KLRD1: variants seen among roughly 807,000 people sequenced by gnomAD.
The protein encoded by KLRD1 is natural killer cells antigen CD94.
In KLRD1, 21 loss-of-function variants were observed where a neutral mutation model predicts 22.6. The observed-to-expected ratio is 0.93, with a 90% CI of 0.66 to 1.34. The LOEUF is 1.34. KLRD1 is among the 40% of genes most tolerant of loss of function. The probability of loss-of-function intolerance (pLI) is 0.00; values close to 1 mark genes in which losing one functional copy is unlikely to be tolerated. For missense variants in KLRD1, 183 were observed against 208.6 expected (o/e 0.88, Z 0.76); for synonymous variants, 59 against 71.1 (o/e 0.83, Z 0.85).
At chr12:10,298,120 A>G (rs1949837642) in intron 1 of KLRD1, among the ~76,000 whole-genome samples, 1 of 152,232 alleles carries the variant, frequency 6.6e-6, no homozygotes, top group Admixed American at 6.5e-5. Flanking sequence ...TGCTAATGAT[A>G]TAATTGAGGA....
At chr12:10,290,216 A>T (rs1949754733) in intron 1 of KLRD1, among the ~76,000 whole-genome samples, 1 of 152,238 alleles carries the variant, frequency 6.6e-6, no homozygotes, top group African/African-American at 2.4e-5. Flanking sequence ...GTTGAATAAG[A>T]ACTGAAAGTC....
chr12:10,255,970 A>G (rs913785460), intron 1 of KLRD1, among the ~76,000 whole-genome samples: 3 of 152,098 alleles, frequency 2.0e-5, no homozygotes, highest in African/African-American at 7.2e-5. Flanking sequence ...CTCTTCAGTT[A>G]TGTCAAAGTT....
At chr12:10,309,586 C>T (rs1244337899) in intron 2 of KLRD1, 40 bp from the exon 3 acceptor site, 1 of 1,453,866 alleles carries the variant, frequency 6.9e-7, no homozygotes, top group Non-Finnish European at 9.7e-7. Flanking sequence ...ATTTCATAAA[C>T]CCATACCTAA....
At position 10,320,426 on chromosome 12, in the gene KLRD1, A is replaced by G. The variant is rs1384688060; in HGVS notation, c.*5633A>G. 1 of 152,198 alleles carries G rather than the reference A, an allele frequency of 6.6e-6. No homozygotes were observed. Among genetic ancestry groups the G allele is most frequent in the African/African-American group, 2.4e-5 (1 of 41,464 alleles). The allele number at this position is 152,198 out of a possible 1,614,324, so 9.4% of individuals were successfully genotyped here. ...AAAATCTTTCTATTTAGTACCAGAA[A>G]GTTTAGCAACACTTTTGTCTGTAGC... On this transcript the variant is annotated 3_prime_UTR_variant, in exon 6 of 6. Coordinates refer to ENST00000336164, the MANE Select transcript of KLRD1 (RefSeq NM_002262.5).
At chr12:10,267,810 T>A (rs1949513439) in intron 1 of KLRD1, among the ~76,000 whole-genome samples, 1 of 152,200 alleles carries the variant, frequency 6.6e-6, no homozygotes, top group South Asian at 2.1e-4. Context: ...TAATATGAAC[T>A]ACTGTCATTC....
At chr12:10,307,059 A>G (rs1021188708), upstream of KLRD1, among the ~76,000 whole-genome samples, 1 of 152,162 alleles carries the variant, frequency 6.6e-6, no homozygotes, top group African/African-American at 2.4e-5. Context: ...TCCTTTCAAG[A>G]TTCTTATTAT....
intron 1 of KLRD1, among the ~76,000 whole-genome samples, chr12:10,247,705 A>G (rs1045311541): frequency 8.5e-5 from 13 of 152,144 alleles, no homozygotes; most frequent in Admixed American, 6.5e-5. Flanking sequence ...AGGTAATTAA[A>G]TCATGGGAGC....
intron 1 of KLRD1, among the ~76,000 whole-genome samples, chr12:10,290,695 T>A (rs2617130): frequency 0.013 from 2,009 of 152,290 alleles, 50 homozygotes; most frequent in African/African-American, 0.045. Context: ...AAAGGAAAAG[T>A]TTCAGTATTT....
chr12:10,313,366 T>C (rs78024331), intron 4 of KLRD1, 44 bp from the exon 5 acceptor site: 1 of 1,156,314 alleles, frequency 8.6e-7, no homozygotes, highest in Admixed American at 1.9e-5. Flanking sequence ...ATTCCCAGAA[T>C]AGATTAAAAT....
At position 10,239,451 on chromosome 12, in the gene KLRD1, T is replaced by TTA. The variant is rs796282502; in HGVS notation, c.-101+13219_-101+13220insAT. 3.8e-3 allele frequency among the ~76,000 whole-genome samples: 164 copies of TTA among 43,688 alleles called. 14 individuals carry two copies. The East Asian group carries it at 0.086, about 23-fold the overall frequency. The allele number at this position is 43,688 out of a possible 152,430, so 28.7% of individuals were successfully genotyped here. ...TTCCTTCCTTTCCTTCCTTCCTTCC[T>TTA]TCCTTCCTTCCTTCCTTCCTTCCTT... On this transcript the variant is annotated intron_variant, in intron 1 of 5. Transcript: ENST00000544747.
At chr12:10,253,884 T>C (rs1949366976) in intron 1 of KLRD1, among the ~76,000 whole-genome samples, 1 of 152,186 alleles carries the variant, frequency 6.6e-6, no homozygotes, top group Non-Finnish European at 1.5e-5. Flanking sequence ...ATCATTCACA[T>C]GCATGTGTCT....
At chr12:10,308,289 C>T (rs7301562) in intron 1 of KLRD1, 554,841 of 568,208 alleles carry the variant, frequency 0.98, 272,169 homozygotes, top group East Asian at 1. Flanking sequence ...GAAGTTTTTT[C>T]CACAGGTTTG....
chr12:10,261,578 T>A (rs968149064), intron 1 of KLRD1, among the ~76,000 whole-genome samples: 2 of 152,134 alleles, frequency 1.3e-5, no homozygotes, highest in African/African-American at 4.8e-5. Flanking sequence ...AATCTGCTTG[T>A]ATAAGCAGCT....
At chr12:10,284,213 A>G (rs1319258243) in intron 1 of KLRD1, among the ~76,000 whole-genome samples, 1 of 152,010 alleles carries the variant, frequency 6.6e-6, no homozygotes, top group Non-Finnish European at 1.5e-5. Context: ...AACAACAACA[A>G]CAACAACAAA....
chr12:10,290,243 A>G (rs1302977035), intron 1 of KLRD1, among the ~76,000 whole-genome samples: 18 of 152,162 alleles, frequency 1.2e-4, no homozygotes, highest in Admixed American at 1.2e-3. Flanking sequence ...GCAAACATCT[A>G]CCATGGCAAA....
intron 1 of KLRD1, among the ~76,000 whole-genome samples, chr12:10,284,074 C>T (rs918217639): frequency 6.7e-6 from 1 of 150,230 alleles, no homozygotes; most frequent in Admixed American, 6.6e-5. Context: ...GTAATCCCAG[C>T]TACTCAGGAG....
At chr12:10,293,806 G>A (rs979225136) in intron 1 of KLRD1, among the ~76,000 whole-genome samples, 1 of 152,172 alleles carries the variant, frequency 6.6e-6, no homozygotes, top group Non-Finnish European at 1.5e-5. Flanking sequence ...AGTAAAATGA[G>A]GTGTGTGTGT....
At chr12:10,282,696 T>C (rs1324061354) in intron 1 of KLRD1, among the ~76,000 whole-genome samples, 1 of 152,240 alleles carries the variant, frequency 6.6e-6, no homozygotes, top group African/African-American at 2.4e-5. Context: ...TTGTAGAGCA[T>C]ACATAATGAT....
At chr12:10,297,702 A>C (rs1220909520) in intron 1 of KLRD1, among the ~76,000 whole-genome samples, 1 of 152,116 alleles carries the variant, frequency 6.6e-6, no homozygotes, top group African/African-American at 2.4e-5. Context: ...TTCTAACCAA[A>C]CACTGGAGAT....
Sources: allele counts gnomAD v4.1 joint callset (sites outside exome capture counted in the v4.1 genomes callset), GRCh38; gene constraint gnomAD v4.1.1; transcripts MANE v1.5; gene names NCBI Gene and HGNC (gene_info 2026-07-23, HGNC 2026-07-21).